Variants in SLC26A7 observed in about 807,000 individuals in gnomAD.
SLC26A7 encodes the protein solute carrier family 26 member 7, also known as anion exchange transporter.
A neutral mutation model predicts 82.5 loss-of-function variants in SLC26A7; 59 were observed. The ratio of observed to expected loss-of-function variants is 0.72; its 90% CI spans 0.58 to 0.89. The LOEUF is 0.89. Among genes scored for constraint, SLC26A7 ranks in the 40% least tolerant of loss-of-function variants. The pLI is 0.00. For missense variants in SLC26A7, 820 were observed against 793.0 expected (o/e 1.03, Z -0.41); for synonymous variants, 271 against 274.3 (o/e 0.99, Z 0.12).
chr8:91,284,482 GA>G (rs1457084740), intron 2 of SLC26A7, among the ~76,000 whole-genome samples: 2 of 152,198 alleles, frequency 1.3e-5, no homozygotes, highest in Non-Finnish European at 2.9e-5. Context: ...AGCTTTAAAA[GA>G]CTAACCACAG....
chr8:91,352,115 G>A (rs1813733554), intron 10 of SLC26A7, among the ~76,000 whole-genome samples: 1 of 151,974 alleles, frequency 6.6e-6, no homozygotes, highest in African/African-American at 2.4e-5. Flanking sequence ...CATAAGAATG[G>A]TATTGTGGAA....
intron 15 of SLC26A7, among the ~76,000 whole-genome samples, chr8:91,381,105 T>C (rs183249542): frequency 1.3e-5 from 2 of 152,304 alleles, no homozygotes; most frequent in Admixed American, 6.5e-5. Context: ...TGAATTATAT[T>C]AATTTCTGCA....
intron 1 of SLC26A7, among the ~76,000 whole-genome samples, chr8:91,212,653 CT>C (rs1310241930): frequency 6.6e-6 from 1 of 152,074 alleles, no homozygotes; most frequent in East Asian, 1.9e-4. Flanking sequence ...TAAGATACCA[CT>C]GACATTCATT....
intron 11 of SLC26A7, among the ~76,000 whole-genome samples, chr8:91,358,396 T>G (rs2130864569): frequency 6.6e-6 from 1 of 151,214 alleles, no homozygotes; most frequent in South Asian, 2.1e-4. Context: ...TGGCACAATC[T>G]TGGCTCACTG....
chr8:91,263,696 A>G (rs1024570919), intron 2 of SLC26A7, among the ~76,000 whole-genome samples: 24 of 152,010 alleles, frequency 1.6e-4, no homozygotes, highest in African/African-American at 5.6e-4. Flanking sequence ...GACTTAAACA[A>G]CACTACCCTA....
chr8:91,219,828 G>A (rs1810129699), intron 2 of SLC26A7, among the ~76,000 whole-genome samples: 1 of 152,134 alleles, frequency 6.6e-6, no homozygotes, highest in African/African-American at 2.4e-5. Context: ...CTCTTTGCAT[G>A]CTCTAGTTTG....
At chr8:91,327,629 C>A (rs1812968686) in intron 5 of SLC26A7, among the ~76,000 whole-genome samples, 1 of 152,124 alleles carries the variant, frequency 6.6e-6, no homozygotes, top group African/African-American at 2.4e-5. Context: ...TGGTTGATGA[C>A]TGACTCAAAA....
intron 3 of SLC26A7, among the ~76,000 whole-genome samples, chr8:91,293,609 C>T (rs1037269718): frequency 2.6e-5 from 4 of 152,194 alleles, no homozygotes; most frequent in Non-Finnish European, 5.9e-5. Flanking sequence ...GCAGGTGAAG[C>T]TTCCTTTTGT....
Position 91,396,959 on chromosome 8 carries a change from T to C in SLC26A7, c.*1862T>C, listed in dbSNP as rs998834724. 2 of 152,098 alleles carry C rather than the reference T, an allele frequency of 1.3e-5. No homozygotes were observed. The highest frequency in any genetic ancestry group is 2.9e-5 in the Non-Finnish European group (2 of 67,938). 9.4% of individuals were successfully genotyped at this position (152,098 alleles called of 1,614,324 possible). On this transcript the variant is annotated 3_prime_UTR_variant, in exon 19 of 19. Coordinates refer to ENST00000276609, the MANE Select transcript of SLC26A7 (RefSeq NM_052832.4). ...AACTCCTGTAATTGAATTTGTATAA[T>C]GCAGGCACTTTCTAATTTATTAGAG...
At chr8:91,238,144 T>C (rs1586312284) in intron 2 of SLC26A7, among the ~76,000 whole-genome samples, 1 of 152,144 alleles carries the variant, frequency 6.6e-6, no homozygotes, top group East Asian at 1.9e-4. Context: ...AATAACATTA[T>C]AAACAAAAGT....
At chr8:91,286,707 C>G (rs1020335109) in intron 2 of SLC26A7, among the ~76,000 whole-genome samples, 1 of 152,142 alleles carries the variant, frequency 6.6e-6, no homozygotes, top group South Asian at 2.1e-4. Flanking sequence ...AGAGATAATT[C>G]TGCTAATTTG....
rs1453046666 is a variant in SLC26A7, at chr8:91,352,962, T to TA, written c.1287dup (p.Tyr430IlefsTer6). 15 of 1,608,854 alleles carry TA rather than the reference T, an allele frequency of 9.3e-6. No homozygotes were observed. The highest frequency in any genetic ancestry group is 2.2e-5 in the South Asian group (2 of 90,382). On this transcript the variant is annotated frameshift_variant, in exon 11 of 19. Transcript: ENST00000276609. LOFTEE classifies it high-confidence loss of function. Reference sequence around the variant, plus strand: ...GGAATGCTAATACAGTTCCGAGATTTAAAAAAATATTGGAATGTGGATAAA... The same window carrying TA: ...GGAATGCTAATACAGTTCCGAGATTTAAAAAAAATATTGGAATGTGGATAAA...
rs572129468 is a variant in SLC26A7 at position 91,326,791 on chromosome 8, G to A, written c.643-7504G>A. 3.3e-5 allele frequency among the ~76,000 whole-genome samples: 5 copies of A among 152,234 alleles called. No individual in the cohort carries two copies. In the East Asian group the frequency reaches 9.7e-4, roughly 29 times the overall value. ...TTCTGGAAGACACTTCAAAATCAAG[G>A]TCTCTTCTGGTCCATGCTCCCTCTG... On this transcript the variant is annotated intron_variant, in intron 5 of 18. Coordinates refer to ENST00000276609, the MANE Select transcript of SLC26A7 (RefSeq NM_052832.4).
chr8:91,289,940 A>G (rs1313603023), intron 3 of SLC26A7, among the ~76,000 whole-genome samples: 2 of 152,070 alleles, frequency 1.3e-5, no homozygotes, highest in East Asian at 3.9e-4. Context: ...GTTGTTTGCT[A>G]TTTACATGGT....
intron 3 of SLC26A7, among the ~76,000 whole-genome samples, chr8:91,289,868 A>T (rs1811817702): frequency 1.3e-5 from 2 of 152,158 alleles, no homozygotes; most frequent in Admixed American, 6.5e-5. Flanking sequence ...CTACCTCTAT[A>T]TTACCAAAGA....
At chr8:91,371,319 C>T (rs1213919994) in intron 15 of SLC26A7, among the ~76,000 whole-genome samples, 3 of 151,574 alleles carry the variant, frequency 2.0e-5, no homozygotes, top group African/African-American at 4.8e-5. Context: ...TCAGGGGAGA[C>T]GTGCAGGATG....
At chr8:91,357,053 G>A (rs2130862674) in intron 11 of SLC26A7, among the ~76,000 whole-genome samples, 1 of 152,218 alleles carries the variant, frequency 6.6e-6, no homozygotes, top group East Asian at 1.9e-4. Context: ...CCTTTACTTA[G>A]GAGGTCAGAT....
rs1282360874 is a variant in SLC26A7 at position 91,394,058 on chromosome 8, G to A, written c.1935+19G>A. 6.2e-7 allele frequency: 1 copy of A among 1,605,056 alleles called. No homozygotes were observed. The highest frequency in any genetic ancestry group is 1.1e-5 in the South Asian group (1 of 90,562). On this transcript the variant is annotated intron_variant, in intron 18 of 18. Coordinates refer to ENST00000276609, the MANE Select transcript of SLC26A7 (RefSeq NM_052832.4). ...AAATAAGGTGAGTTGATTAAGTTGG[G>A]CTGAAGGAGTTATAAGAATATTCAG...
intron 14 of SLC26A7, among the ~76,000 whole-genome samples, chr8:91,368,089 T>C (rs1199094448): frequency 3.3e-5 from 5 of 152,190 alleles, no homozygotes; most frequent in Admixed American, 3.3e-4. Context: ...TTAAGCCAGA[T>C]GGGAGATCCT....
Sources: allele counts gnomAD v4.1 joint callset (sites outside exome capture counted in the v4.1 genomes callset), GRCh38; gene constraint gnomAD v4.1.1; transcripts MANE v1.5; gene names NCBI Gene and HGNC (gene_info 2026-07-23, HGNC 2026-07-21).